The following SGCD variants were observed in gnomAD, a reference collection of about 807,000 sequenced individuals.
SGCD encodes sarcoglycan delta.
Under a neutral mutation model 36.6 loss-of-function variants are expected in SGCD, and 18 were observed. That is an observed-to-expected ratio of 0.49 (90% CI 0.34 to 0.73). The LOEUF (loss-of-function observed/expected upper bound fraction) is 0.73, where lower values mean the gene tolerates loss of function less well. Ranked by LOEUF, SGCD falls within the 30% of genes least tolerant of loss-of-function variation. The pLI is 0.01. For synonymous variants in SGCD, 133 were observed against 130.6 expected, an observed-to-expected ratio of 1.02 and a Z score of -0.12; for missense variants, 387 against 346.7, an observed-to-expected ratio of 1.12 and a Z score of -0.92.
intron 7 of SGCD, among the ~76,000 whole-genome samples, chr5:156,650,462 T>C (rs1763416904): frequency 6.6e-6 from 1 of 152,094 alleles, no homozygotes; most frequent in African/African-American, 2.4e-5. Context: ...TAATACCCAA[T>C]AGGTAGTTTT....
chr5:156,389,931 C>T (rs1416132187), intron 3 of SGCD, among the ~76,000 whole-genome samples: 3 of 151,682 alleles, frequency 2.0e-5, no homozygotes, highest in Non-Finnish European at 2.9e-5. Flanking sequence ...GAGCCTTATG[C>T]CACATATTGA....
chr5:155,732,683 T>A, the SGCD span, among the ~76,000 whole-genome samples: 1 of 152,284 alleles, frequency 6.6e-6, no homozygotes, highest in African/African-American at 2.4e-5. Context: ...GTTGCTGGAC[T>A]CCCCTAAAGG....
chr5:156,180,455 A>G (rs922263325), intron 3 of SGCD, among the ~76,000 whole-genome samples: 2 of 152,124 alleles, frequency 1.3e-5, no homozygotes, highest in African/African-American at 2.4e-5. Flanking sequence ...AGATAAAAAC[A>G]TTTTAAACTC....
chr5:156,633,248 TGTTTA>T (rs1317555468), intron 6 of SGCD, among the ~76,000 whole-genome samples: 1 of 152,180 alleles, frequency 6.6e-6, no homozygotes, highest in Non-Finnish European at 1.5e-5. Context: ...ATGTGCACTG[TGTTTA>T]GTTTCAGTTC....
chr5:156,039,879 G>T (rs533617947), intron 1 of SGCD, among the ~76,000 whole-genome samples: 97 of 152,220 alleles, frequency 6.4e-4, no homozygotes, highest in African/African-American at 2.3e-3. Context: ...CCTCTAAACT[G>T]CTCTAGAAAT....
At chr5:155,799,771 C>A in the SGCD span, among the ~76,000 whole-genome samples, 2 of 143,008 alleles carry the variant, frequency 1.4e-5, no homozygotes, top group African/African-American at 5.1e-5. Flanking sequence ...TAACTTTTTT[C>A]AAATGCTTTT....
intron 7 of SGCD, among the ~76,000 whole-genome samples, chr5:156,656,356 A>G (rs967664182): frequency 5.3e-5 from 8 of 152,158 alleles, no homozygotes; most frequent in African/African-American, 1.9e-4. Context: ...GAACCAAGCC[A>G]GAGAATAATG....
intron 3 of SGCD, among the ~76,000 whole-genome samples, chr5:156,295,705 G>A (rs1367165501): frequency 6.6e-6 from 1 of 152,162 alleles, no homozygotes; most frequent in Admixed American, 6.6e-5. Flanking sequence ...ACGCATAAAT[G>A]TTTGACCATG....
At chr5:156,295,852 G>A (rs372386891) in intron 3 of SGCD, among the ~76,000 whole-genome samples, 24 of 152,262 alleles carry the variant, frequency 1.6e-4, no homozygotes, top group Middle Eastern at 3.4e-3. Flanking sequence ...TTTTGGATGT[G>A]TCAGTCAGGT....
chr5:156,135,036 C>A (rs1440675381), intron 3 of SGCD, among the ~76,000 whole-genome samples: 1 of 152,142 alleles, frequency 6.6e-6, no homozygotes, highest in African/African-American at 2.4e-5. Flanking sequence ...CTCTTCAAGG[C>A]AACAATTCTT....
At chr5:156,217,126 G>A (rs528558218) in intron 3 of SGCD, among the ~76,000 whole-genome samples, 13 of 152,086 alleles carry the variant, frequency 8.5e-5, no homozygotes, top group East Asian at 3.9e-4. Context: ...AATGAATGTC[G>A]CATGTTAATA....
At chr5:155,795,942 G>A in the SGCD span, among the ~76,000 whole-genome samples, 1 of 152,160 alleles carries the variant, frequency 6.6e-6, no homozygotes, top group Non-Finnish European at 1.5e-5. Flanking sequence ...AATGCACTCA[G>A]TACCATTGTT....
intron 1 of SGCD, among the ~76,000 whole-genome samples, chr5:156,080,975 C>T (rs1760935124): frequency 6.6e-6 from 1 of 152,134 alleles, no homozygotes; most frequent in Non-Finnish European, 1.5e-5. Flanking sequence ...TGTGTTAGGC[C>T]ATTCCTGCAT....
At chr5:156,264,112 C>T (rs540284169) in intron 3 of SGCD, among the ~76,000 whole-genome samples, 4 of 151,784 alleles carry the variant, frequency 2.6e-5, no homozygotes, top group South Asian at 2.1e-4. Flanking sequence ...CTTTAATATA[C>T]GTATATGTTA....
In SGCD at chr5:156,149,545, G is replaced by A. The variant is rs530501007; in HGVS notation, c.-44+25526G>A. On this transcript the variant is annotated intron_variant, in intron 3 of 9. Transcript: ENST00000517913. ...GTTCTCAGTAAAGGGCAGCCCTAGG[G>A]ATGGGCTGCTCACCTCTTCAGCCCT... Among the ~76,000 whole-genome samples the A allele has an allele frequency of 2.7e-4, 41 of 152,266 alleles. No individual in the cohort carries two copies. In the East Asian group the frequency reaches 3.1e-3, roughly 12 times the overall value.
In SGCD at chr5:156,220,140, T is replaced by C. The variant is rs1041036070; in HGVS notation, c.-44+96121T>C. Among the ~76,000 whole-genome samples the C allele has an allele frequency of 2.6e-5, 4 of 152,194 alleles. No individual in the cohort carries two copies. In the East Asian group the frequency reaches 7.7e-4, roughly 29 times the overall value. On this transcript the variant is annotated intron_variant, in intron 3 of 9. Coordinates refer to the SGCD transcript ENST00000517913. ...GAATTCATACGTGCTGGAGCTGTCA[T>C]GGTAATTCAAGGTTTAGGGAAGGAG...
intron 3 of SGCD, among the ~76,000 whole-genome samples, chr5:156,416,846 A>G (rs964187263): frequency 1.3e-5 from 2 of 152,264 alleles, no homozygotes; most frequent in African/African-American, 4.8e-5. Context: ...CAACCTTGCC[A>G]GCAAGGACTT....
At chr5:155,989,254 T>C (rs4704766) in intron 1 of SGCD, among the ~76,000 whole-genome samples, 48,599 of 152,080 alleles carry the variant, frequency 0.32, 7,959 homozygotes, top group African/African-American at 0.39. Flanking sequence ...CATTGCAGTA[T>C]CAACACAGCC....
intron 1 of SGCD, among the ~76,000 whole-genome samples, chr5:155,987,398 G>A (rs1416700962): frequency 1.3e-5 from 2 of 152,040 alleles, no homozygotes; most frequent in African/African-American, 2.4e-5. Context: ...CACTGTCCTC[G>A]TTTGGTTTCT....
Sources: gnomAD v4.1 joint callset for allele counts (sites outside exome capture counted in the v4.1 genomes callset) on GRCh38, gnomAD v4.1.1 for gene constraint, MANE v1.5 for transcripts, NCBI Gene and HGNC (gene_info 2026-07-23, HGNC 2026-07-21) for gene names.